Variants in EPHA4 observed in about 807,000 individuals in gnomAD.
EPHA4 encodes EPH receptor A4.
A neutral mutation model predicts 108.3 loss-of-function variants in EPHA4; 19 were observed. That is an observed-to-expected ratio of 0.18 (90% CI 0.12 to 0.26). The LOEUF (loss-of-function observed/expected upper bound fraction) is 0.26, where lower values mean the gene tolerates loss of function less well. Ranked by LOEUF, EPHA4 falls within the 10% of genes least tolerant of loss-of-function variation. EPHA4 has a pLI of 1.00. For synonymous variants in EPHA4, 449 were observed against 455.5 expected (o/e 0.99, Z 0.18); for missense variants, 917 against 1,254.0 (o/e 0.73, Z 4.06).
At chr2:221,512,911 C>T (rs1213170015) in intron 3 of EPHA4, among the ~76,000 whole-genome samples, 2 of 152,314 alleles carry the variant, frequency 1.3e-5, no homozygotes, top group East Asian at 1.9e-4. Flanking sequence ...CTTCCTCTCA[C>T]ATTTTAAGGA....
chr2:221,466,167 G>A (rs994958666), intron 5 of EPHA4, among the ~76,000 whole-genome samples: 3 of 152,218 alleles, frequency 2.0e-5, no homozygotes, highest in Non-Finnish European at 2.9e-5. Context: ...AATGAAATCG[G>A]CAGAATCGCA....
intron 3 of EPHA4, among the ~76,000 whole-genome samples, chr2:221,536,350 G>A (rs1693668209): frequency 6.6e-6 from 1 of 152,138 alleles, no homozygotes; most frequent in Admixed American, 6.5e-5. Flanking sequence ...GGAAATGTGG[G>A]CTTTAAATGA....
intron 5 of EPHA4, among the ~76,000 whole-genome samples, chr2:221,466,041 T>C (rs1691302452): frequency 6.6e-6 from 1 of 152,144 alleles, no homozygotes; most frequent in Non-Finnish European, 1.5e-5. Flanking sequence ...TATCCACCCA[T>C]TTGTGAGAAA....
At chr2:221,448,904 T>C (rs1197927219) in intron 8 of EPHA4, among the ~76,000 whole-genome samples, 2 of 152,208 alleles carry the variant, frequency 1.3e-5, no homozygotes, top group African/African-American at 4.8e-5. Flanking sequence ...GGAAAGCGTT[T>C]ATCTGTTTTA....
At chr2:221,536,409 G>T (rs1347366759) in intron 3 of EPHA4, among the ~76,000 whole-genome samples, 2 of 152,158 alleles carry the variant, frequency 1.3e-5, no homozygotes, top group Non-Finnish European at 2.9e-5. Context: ...CTCACTGAAG[G>T]CTGCCCTCCA....
intron 4 of EPHA4, among the ~76,000 whole-genome samples, chr2:221,497,371 C>A (rs773138542): frequency 1.3e-5 from 2 of 152,124 alleles, no homozygotes; most frequent in Non-Finnish European, 2.9e-5. Context: ...AAGTTGATGG[C>A]GTCGCCATCA....
intron 3 of EPHA4, among the ~76,000 whole-genome samples, chr2:221,540,793 G>A (rs184389611): frequency 4.6e-5 from 7 of 152,188 alleles, no homozygotes; most frequent in Non-Finnish European, 8.8e-5. Context: ...TATCTTTGAC[G>A]GGAGAGCTGT....
chr2:221,573,584 G>C (rs1694914579), upstream of EPHA4: 1 of 152,252 alleles, frequency 6.6e-6, no homozygotes, highest in Admixed American at 6.5e-5. The surrounding 1 kb of genome is among the most constrained non-coding windows in gnomAD (Gnocchi z 4.5). Flanking sequence ...ACTCCCTCCA[G>C]AGCAGGGCCG....
chr2:221,439,894 T>C (rs1690363222), intron 11 of EPHA4, among the ~76,000 whole-genome samples: 1 of 152,198 alleles, frequency 6.6e-6, no homozygotes, highest in Non-Finnish European at 1.5e-5. Context: ...CTCAAGTAAC[T>C]GCTGGTAATG....
At chr2:221,461,684 G>T (rs1266361284) in intron 5 of EPHA4, among the ~76,000 whole-genome samples, 1 of 151,900 alleles carries the variant, frequency 6.6e-6, no homozygotes, top group Non-Finnish European at 1.5e-5. Flanking sequence ...AATAATTGTT[G>T]GTATCAGACT....
intron 11 of EPHA4, among the ~76,000 whole-genome samples, chr2:221,437,686 C>T (rs1007639068): frequency 1.3e-5 from 2 of 150,702 alleles, no homozygotes; most frequent in East Asian, 2.0e-4. Context: ...CCAAGACAGT[C>T]GGATTGCCTC....
chr2:221,451,833 T>G (rs1007306161), intron 8 of EPHA4, among the ~76,000 whole-genome samples: 23 of 152,204 alleles, frequency 1.5e-4, no homozygotes, highest in Admixed American at 1.4e-3. Flanking sequence ...ATTTAGTAGT[T>G]TGATTCTTTC....
chr2:221,496,682 T>C lies in EPHA4; in HGVS notation c.979+4335A>G, dbSNP rs554604999. Among the ~76,000 whole-genome samples the C allele has an allele frequency of 4.1e-4, 62 of 152,152 alleles. 2 individuals are homozygous for C. Among genetic ancestry groups the C allele is most frequent in the African/African-American group, 1.4e-3 (59 of 41,510 alleles). On this transcript the variant is annotated intron_variant, in intron 4 of 17. Coordinates refer to ENST00000281821, the MANE Select transcript of EPHA4 (RefSeq NM_004438.5). ...CAGCACTTTGGGAGGCCGAGGTGGG[T>C]GGATCACCTGAGGTCCGGAATTCAA...
chr2:221,514,319 G>A (rs1404940825), intron 3 of EPHA4, among the ~76,000 whole-genome samples: 1 of 152,126 alleles, frequency 6.6e-6, no homozygotes, highest in Non-Finnish European at 1.5e-5. Flanking sequence ...CACATCCCCA[G>A]ACCTGAATCC....
At chr2:221,534,053 C>T (rs1693595345) in intron 3 of EPHA4, among the ~76,000 whole-genome samples, 1 of 152,110 alleles carries the variant, frequency 6.6e-6, no homozygotes, top group Admixed American at 6.5e-5. Flanking sequence ...ACTGATAATT[C>T]ATATTTAATC....
intron 3 of EPHA4, among the ~76,000 whole-genome samples, chr2:221,547,820 C>T (rs981367493): frequency 2.6e-5 from 4 of 152,142 alleles, no homozygotes; most frequent in African/African-American, 7.2e-5. Flanking sequence ...TCATTTCGTG[C>T]CCTGGCCTTT....
In EPHA4 at chr2:221,455,532, G is replaced by A; in HGVS notation, c.1715+15C>T. 6.3e-7 allele frequency: 1 copy of A among 1,585,674 alleles called. No individual in the cohort carries two copies. The highest frequency in any genetic ancestry group is 8.7e-7 in the Non-Finnish European group (1 of 1,154,224). On this transcript the variant is annotated intron_variant, in intron 8 of 17. Coordinates refer to ENST00000281821, the MANE Select transcript of EPHA4 (RefSeq NM_004438.5). ...GAAGGTCGGGGGCTGCACAGTGAGTGGCTTCAGTGCTTACCTCCGGCTGAT... is the reference window on the plus strand; with the variant it reads ...GAAGGTCGGGGGCTGCACAGTGAGTAGCTTCAGTGCTTACCTCCGGCTGAT...
chr2:221,568,860 C>G (rs776958822), intron 1 of EPHA4, 75 bp from the exon 2 acceptor site: 3 of 1,287,046 alleles, frequency 2.3e-6, no homozygotes, highest in African/African-American at 2.9e-5. Context: ...TTTGCCTGAG[C>G]GTTTCCATAT....
intron 5 of EPHA4, among the ~76,000 whole-genome samples, chr2:221,480,498 AGG>A (rs1389766114): frequency 6.6e-6 from 1 of 152,214 alleles, no homozygotes; most frequent in Non-Finnish European, 1.5e-5. Context: ...GCGTGTTCCC[AGG>A]ATCTGTATGT....
Sources: gnomAD v4.1 joint callset for allele counts (sites outside exome capture counted in the v4.1 genomes callset) on GRCh38, gnomAD v4.1.1 for gene constraint, Gnocchi (gnomAD v3.1) non-coding constraint, MANE v1.5 for transcripts, NCBI Gene and HGNC (gene_info 2026-07-23, HGNC 2026-07-21) for gene names.